Variants in SIPA1L2 observed in about 807,000 individuals in gnomAD.
The protein encoded by SIPA1L2 is signal induced proliferation associated 1 like 2.
SIPA1L2 carries 56 observed loss-of-function variants against 163.9 expected under a neutral mutation model. The ratio of observed to expected loss-of-function variants is 0.34; its 90% CI spans 0.28 to 0.43. SIPA1L2 has a LOEUF of 0.43. Ranked by LOEUF, SIPA1L2 falls within the 20% of genes least tolerant of loss-of-function variation. The probability of loss-of-function intolerance (pLI) is 1.00; values close to 1 mark genes in which losing one functional copy is unlikely to be tolerated. For synonymous variants in SIPA1L2, 877 were observed against 865.7 expected (o/e 1.01, Z -0.23); for missense variants, 1,974 against 2,193.5 (o/e 0.90, Z 2.00).
intron 19 of SIPA1L2, among the ~76,000 whole-genome samples, chr1:232,412,160 C>G (rs973811998): frequency 2.2e-4 from 34 of 152,172 alleles, no homozygotes; most frequent in Admixed American, 2.0e-3. Context: ...AACTCGCATC[C>G]AATGTCAACT....
intron 1 of SIPA1L2, among the ~76,000 whole-genome samples, chr1:232,602,804 G>T (rs1024003073): frequency 6.6e-6 from 1 of 152,238 alleles, no homozygotes; most frequent in African/African-American, 2.4e-5. Flanking sequence ...TGTTACTCCT[G>T]CAATGCCCAG....
intron 7 of SIPA1L2, among the ~76,000 whole-genome samples, chr1:232,475,150 G>A (rs1358927187): frequency 6.6e-6 from 1 of 152,140 alleles, no homozygotes; most frequent in Non-Finnish European, 1.5e-5. Context: ...TCTAAATCCT[G>A]TTACTAAAAA....
At chr1:232,401,388 C>CT (rs985440482) in intron 22 of SIPA1L2, among the ~76,000 whole-genome samples, 7 of 152,120 alleles carry the variant, frequency 4.6e-5, no homozygotes, top group Non-Finnish European at 1.0e-4. Flanking sequence ...CGTGCTTTAG[C>CT]TTTTTTTGGG....
intron 1 of SIPA1L2, among the ~76,000 whole-genome samples, chr1:232,618,526 C>T (rs192245822): frequency 2.0e-5 from 3 of 152,028 alleles, no homozygotes; most frequent in East Asian, 1.9e-4. Flanking sequence ...TGGTGGCGTG[C>T]GCCTATAATC....
chr1:232,490,751 G>C (rs1665884796), intron 5 of SIPA1L2, 123 bp downstream of exon 5: 2 of 1,039,722 alleles, frequency 1.9e-6, no homozygotes, highest in Non-Finnish European at 2.8e-6. Context: ...AAAAACTAAA[G>C]AGAAAATGTT....
rs1387021002 is a variant in SIPA1L2, at chr1:232,465,978, AG to A, written c.2244-563del. Reference sequence around the variant, plus strand: ...CAATCCTTGCTGACACCTTGATCTTAGACTTCCAGCCTCTAGAACTCTGAGA... The same window carrying A: ...CAATCCTTGCTGACACCTTGATCTTAACTTCCAGCCTCTAGAACTCTGAGA... On this transcript the variant is annotated intron_variant, in intron 8 of 22. Transcript: ENST00000674635. The surrounding 1 kb of genome is among the most constrained non-coding windows in gnomAD (Gnocchi z 4.1). 6.6e-6 allele frequency among the ~76,000 whole-genome samples: 1 copy of A among 151,986 alleles called. No individual in the cohort carries two copies. The highest frequency in any genetic ancestry group is 2.4e-5 in the African/African-American group (1 of 41,386).
At chr1:232,438,630 T>C (rs890868416) in intron 15 of SIPA1L2, among the ~76,000 whole-genome samples, 1 of 152,250 alleles carries the variant, frequency 6.6e-6, no homozygotes, top group African/African-American at 2.4e-5. Flanking sequence ...TTCATTGTTA[T>C]ACACATGATC....
At chr1:232,400,322 G>A (rs1019876242) in intron 22 of SIPA1L2, among the ~76,000 whole-genome samples, 4 of 152,100 alleles carry the variant, frequency 2.6e-5, no homozygotes, top group Non-Finnish European at 4.4e-5. Context: ...GCTGCGACTC[G>A]GCTGCCCACC....
chr1:232,546,003 A>T (rs1309306805), intron 2 of SIPA1L2, among the ~76,000 whole-genome samples: 1 of 152,234 alleles, frequency 6.6e-6, no homozygotes, highest in Admixed American at 6.5e-5. Flanking sequence ...TGACGTAGGC[A>T]CAATCAGCAA....
intron 10 of SIPA1L2, among the ~76,000 whole-genome samples, chr1:232,450,242 C>A (rs1663492080): frequency 6.6e-6 from 1 of 152,314 alleles, no homozygotes; most frequent in East Asian, 1.9e-4. Context: ...ATTGGTCAAA[C>A]TGAGTAAATG....
rs186391025 is a variant in SIPA1L2 at position 232,595,792 on chromosome 1, G to A, written c.-318-21570C>T. Among the ~76,000 whole-genome samples, 190 of 152,266 alleles carry A rather than the reference G, an allele frequency of 1.2e-3. 2 individuals carry two copies. Among genetic ancestry groups the A allele is most frequent in the Admixed American group, 1.5e-3 (23 of 15,300 alleles). Reference sequence around the variant, plus strand: ...CTTTTTAGGGTTTTAGGAATATTTGGAATTTAAGCTTTTGTTCCTTTAAAT... The same window carrying A: ...CTTTTTAGGGTTTTAGGAATATTTGAAATTTAAGCTTTTGTTCCTTTAAAT... On this transcript the variant is annotated intron_variant, in intron 1 of 22. Transcript: ENST00000674635.
chr1:232,584,141 T>A (rs1340396099), intron 1 of SIPA1L2, among the ~76,000 whole-genome samples: 1 of 151,904 alleles, frequency 6.6e-6, no homozygotes, highest in African/African-American at 2.4e-5. Context: ...GAGAACATAC[T>A]CAGAGAGGCC....
intron 1 of SIPA1L2, among the ~76,000 whole-genome samples, chr1:232,609,770 C>A (rs1020296400): frequency 6.9e-6 from 1 of 145,662 alleles, no homozygotes; most frequent in Non-Finnish European, 1.5e-5. Flanking sequence ...GCGGAGCTTG[C>A]AGTGAGCCAA....
intron 22 of SIPA1L2, among the ~76,000 whole-genome samples, chr1:232,401,217 T>A (rs1660319064): frequency 6.6e-6 from 1 of 152,134 alleles, no homozygotes; most frequent in African/African-American, 2.4e-5. Flanking sequence ...TGACCAGCCA[T>A]CCCAGCTTGC....
chr1:232,546,564 G>A (rs1436118257), intron 2 of SIPA1L2, among the ~76,000 whole-genome samples: 3 of 152,140 alleles, frequency 2.0e-5, no homozygotes, highest in African/African-American at 4.8e-5. Flanking sequence ...TCACAGACAC[G>A]CTCTAACCTA....
chr1:232,490,978 C>T lies in SIPA1L2; in HGVS notation c.1702G>A (p.Glu568Lys), dbSNP rs757791351. 6.2e-7 allele frequency: 1 copy of T among 1,614,162 alleles called. No homozygotes were observed. Among genetic ancestry groups the T allele is most frequent in the African/African-American group, 1.3e-5 (1 of 75,040 alleles). The part of the protein sequence containing the change: ...HGTARGLPLK[E>K]VLEYVIPELS... ...TCTGGAATGACGTATTCCAAAACTT[C>T]TTTGAGAGGTAGTCCTCGTGCGGTA... The change falls in exon 5 of 23, where the codon GAA becomes AAA. Residue 568 changes from glutamate to lysine, a missense_variant. By Grantham distance (56) the Glu-to-Lys change is moderately conservative (BLOSUM62 1). This residue lies in a region of SIPA1L2 where 288 missense variants were observed against 418.9 expected (regional missense o/e 0.69). Transcript: ENST00000674635.
chr1:232,483,356 G>A (rs1315681610), intron 6 of SIPA1L2, among the ~76,000 whole-genome samples: 1 of 151,688 alleles, frequency 6.6e-6, no homozygotes, highest in Non-Finnish European at 1.5e-5. Context: ...CCACCTCCCT[G>A]GTTAACATCA....
intron 2 of SIPA1L2, among the ~76,000 whole-genome samples, chr1:232,545,389 C>G (rs895095955): frequency 2.6e-5 from 4 of 152,188 alleles, no homozygotes; most frequent in African/African-American, 9.7e-5. Context: ...CTATGAGGCT[C>G]CGTGTGGGCG....
chr1:232,492,119 T>A (rs766675840), intron 4 of SIPA1L2, among the ~76,000 whole-genome samples: 6 of 152,156 alleles, frequency 3.9e-5, no homozygotes, highest in Admixed American at 3.3e-4. Flanking sequence ...ATCTCACTTA[T>A]ACCTAGAATA....
Sources: gnomAD v4.1 joint callset for allele counts (sites outside exome capture counted in the v4.1 genomes callset) on GRCh38, gnomAD v4.1.1 for gene constraint, gnomAD v4.1.1 regional missense constraint, Gnocchi (gnomAD v3.1) non-coding constraint, MANE v1.5 for transcripts, NCBI Gene and HGNC (gene_info 2026-07-23, HGNC 2026-07-21) for gene names.